ANKS1B: variants seen among roughly 807,000 people sequenced by gnomAD.
ANKS1B encodes the protein ankyrin repeat and sterile alpha motif domain-containing protein 1B.
ANKS1B carries 36 observed loss-of-function variants against 148.3 expected under a neutral mutation model. The observed-to-expected ratio is 0.24, with a 90% CI of 0.19 to 0.32. ANKS1B has a LOEUF of 0.32. Ranked by LOEUF, ANKS1B falls within the 10% of genes least tolerant of loss-of-function variation. ANKS1B has a pLI of 1.00. For synonymous variants in ANKS1B, 542 were observed against 560.8 expected (o/e 0.97, Z 0.47); for missense variants, 1,157 against 1,542.6 (o/e 0.75, Z 4.19).
intron 11 of ANKS1B, among the ~76,000 whole-genome samples, chr12:99,427,906 T>A (rs1500733): frequency 6.6e-6 from 1 of 151,888 alleles, no homozygotes; most frequent in African/African-American, 2.4e-5. Flanking sequence ...CAAGAACAAG[T>A]CTCCTTTGGA....
At chr12:98,816,116 C>T (rs1181047116) in intron 19 of ANKS1B, among the ~76,000 whole-genome samples, 1 of 152,102 alleles carries the variant, frequency 6.6e-6, no homozygotes, top group African/African-American at 2.4e-5. Flanking sequence ...ATTTGCTTCT[C>T]TTTCTGCCTG....
At chr12:98,736,817 T>C (rs777549938) in intron 9 of ANKS1B, among the ~76,000 whole-genome samples, 2 of 152,190 alleles carry the variant, frequency 1.3e-5, no homozygotes, top group Non-Finnish European at 2.9e-5. Flanking sequence ...AACGTCTTCT[T>C]GTCTGTAGTC....
intron 9 of ANKS1B, among the ~76,000 whole-genome samples, chr12:99,525,245 AT>A (rs2096915652): frequency 6.6e-6 from 1 of 152,182 alleles, no homozygotes; most frequent in African/African-American, 2.4e-5. Flanking sequence ...CAGTGGGAAA[AT>A]ACACCTTATC....
intron 12 of ANKS1B, among the ~76,000 whole-genome samples, chr12:99,281,928 T>C (rs1322984405): frequency 1.3e-5 from 2 of 152,206 alleles, no homozygotes; most frequent in Non-Finnish European, 2.9e-5. Context: ...GTCTAATACA[T>C]AACAGCCACT....
chr12:98,743,625 C>CTGA (rs1258542354), downstream of ANKS1B, among the ~76,000 whole-genome samples: 2 of 152,210 alleles, frequency 1.3e-5, no homozygotes, highest in Non-Finnish European at 2.9e-5. Flanking sequence ...AATGAAAGGA[C>CTGA]TGATGACCAT....
chr12:99,492,197 C>T lies in ANKS1B; in HGVS notation c.1438+12279G>A, dbSNP rs1358106299. Among the ~76,000 whole-genome samples, 4 of 152,200 alleles carry T rather than the reference C, an allele frequency of 2.6e-5. No individual in the cohort carries two copies. The South Asian group carries it at 8.3e-4, about 32-fold the overall frequency. On this transcript the variant is annotated intron_variant, in intron 10 of 26. Transcript: ENST00000683438. ...AAAAGAGAGAAGGTCTAAATAAACA[C>T]AATCAGACATGACAAAGAGGATGTT...
intron 18 of ANKS1B, among the ~76,000 whole-genome samples, chr12:98,830,654 T>C (rs1482121059): frequency 1.3e-5 from 2 of 152,152 alleles, no homozygotes; most frequent in East Asian, 3.9e-4. Context: ...CGTGCTTGTG[T>C]TCATCTCTTC....
chr12:99,692,199 T>C (rs2098682914), intron 8 of ANKS1B, among the ~76,000 whole-genome samples: 1 of 152,032 alleles, frequency 6.6e-6, no homozygotes, highest in African/African-American at 2.4e-5. Context: ...GTAAAATGGA[T>C]TGTAGGAGGG....
At chr12:99,477,444 A>G (rs1410799014) in intron 10 of ANKS1B, among the ~76,000 whole-genome samples, 4 of 152,084 alleles carry the variant, frequency 2.6e-5, no homozygotes, top group Non-Finnish European at 5.9e-5. Flanking sequence ...CTTCAGTCCT[A>G]GGCAAACCAG....
chr12:99,466,889 A>C (rs1475706178), intron 10 of ANKS1B, among the ~76,000 whole-genome samples: 1 of 152,132 alleles, frequency 6.6e-6, no homozygotes, highest in Non-Finnish European at 1.5e-5. Context: ...ATTCCTTCTG[A>C]AACTATTCCA....
intron 8 of ANKS1B, among the ~76,000 whole-genome samples, chr12:99,657,376 A>T (rs75412983): frequency 1.3e-5 from 2 of 152,046 alleles, no homozygotes; most frequent in Non-Finnish European, 2.9e-5. Flanking sequence ...ATACTGAAAA[A>T]CCACACTGAT....
At chr12:99,603,595 A>C (rs1473645134) in intron 9 of ANKS1B, among the ~76,000 whole-genome samples, 30 of 152,128 alleles carry the variant, frequency 2.0e-4, no homozygotes, top group Admixed American at 2.0e-3. Flanking sequence ...ATTCTTACTG[A>C]AGTTACACAA....
At chr12:99,012,571 C>G (rs2099940081) in intron 17 of ANKS1B, among the ~76,000 whole-genome samples, 1 of 152,110 alleles carries the variant, frequency 6.6e-6, no homozygotes, top group African/African-American at 2.4e-5. Context: ...AAAACTGTAT[C>G]AAGAGTTTCA....
intron 8 of ANKS1B, among the ~76,000 whole-genome samples, chr12:99,697,582 G>A (rs1329028381): frequency 6.6e-6 from 1 of 152,114 alleles, no homozygotes; most frequent in East Asian, 1.9e-4. Flanking sequence ...AGTTCTGGGG[G>A]ATAAAGCAAG....
intron 16 of ANKS1B, among the ~76,000 whole-genome samples, chr12:99,055,394 G>A (rs1019755028): frequency 2.0e-5 from 3 of 152,192 alleles, no homozygotes; most frequent in African/African-American, 7.2e-5. Flanking sequence ...AGATACTCGG[G>A]AAAAGCTTAG....
Position 98,765,508 on chromosome 12 carries a change from C to T in ANKS1B, c.3579+7534G>A, listed in dbSNP as rs143780400. Among the ~76,000 whole-genome samples, 96 of 151,824 alleles carry T rather than the reference C, an allele frequency of 6.3e-4. 1 individual carries two copies. The highest frequency in any genetic ancestry group is 2.0e-3 in the African/African-American group (84 of 41,392). On this transcript the variant is annotated intron_variant, in intron 25 of 26. Transcript: ENST00000683438. ...TGAACTCCTGAGCTCAGGAGATCCA[C>T]CTGCCTCAGCATCCCAAAGTGCTGA...
intron 17 of ANKS1B, among the ~76,000 whole-genome samples, chr12:98,988,245 A>G (rs983155335): frequency 6.6e-6 from 1 of 152,170 alleles, no homozygotes; most frequent in Non-Finnish European, 1.5e-5. Context: ...TTTGATCAAC[A>G]TCTCCCCAAT....
intron 1 of ANKS1B, among the ~76,000 whole-genome samples, chr12:99,888,427 A>C (rs2092932706): frequency 6.6e-6 from 1 of 152,204 alleles, no homozygotes; most frequent in Admixed American, 6.5e-5. Context: ...TAAATCAAAC[A>C]AAAAGGGTTC....
At chr12:99,350,244 C>T (rs2091253920) in intron 12 of ANKS1B, among the ~76,000 whole-genome samples, 1 of 151,986 alleles carries the variant, frequency 6.6e-6, no homozygotes, top group Non-Finnish European at 1.5e-5. Flanking sequence ...ATGATTGTAA[C>T]TTTCCTGAGG....
Sources: gnomAD v4.1 joint callset for allele counts (sites outside exome capture counted in the v4.1 genomes callset) on GRCh38, gnomAD v4.1.1 for gene constraint, MANE v1.5 for transcripts, NCBI Gene and HGNC (gene_info 2026-07-23, HGNC 2026-07-21) for gene names.